KCNIP4: variants seen among roughly 807,000 people sequenced by gnomAD.
KCNIP4 encodes the protein potassium voltage-gated channel interacting protein 4.
A neutral mutation model predicts 34.0 loss-of-function variants in KCNIP4; 12 were observed. The ratio of observed to expected loss-of-function variants is 0.35; its 90% CI spans 0.23 to 0.57. The LOEUF (loss-of-function observed/expected upper bound fraction) is 0.57, where lower values mean the gene tolerates loss of function less well. Ranked by LOEUF, KCNIP4 falls within the 20% of genes least tolerant of loss-of-function variation. KCNIP4 has a pLI of 0.83. For synonymous variants in KCNIP4, 124 were observed against 102.2 expected (o/e 1.21, Z -1.29); for missense variants, 238 against 311.7 (o/e 0.76, Z 1.78).
intron 1 of KCNIP4, among the ~76,000 whole-genome samples, chr4:21,334,532 A>G (rs1426683258): frequency 6.6e-6 from 1 of 152,084 alleles, no homozygotes; most frequent in African/African-American, 2.4e-5. Flanking sequence ...CAATTTGCAC[A>G]TCATAAAATT....
rs115725784 is a variant in KCNIP4 at position 21,784,520 on chromosome 4, G to T, written c.61+164051C>A. ...AGTCTTTGAACTCATATTCTAATAT[G>T]TCAACCTGCCAAAGACAGAAACATT... On this transcript the variant is annotated intron_variant, in intron 1 of 8. Transcript: ENST00000382152. Among the ~76,000 whole-genome samples the T allele has an allele frequency of 5.9e-5, 9 of 152,060 alleles. No individual in the cohort carries two copies. The South Asian group carries it at 1.9e-3, about 32-fold the overall frequency.
intron 3 of KCNIP4, among the ~76,000 whole-genome samples, chr4:20,819,951 T>C (rs1716898920): frequency 6.6e-6 from 1 of 152,164 alleles, no homozygotes; most frequent in African/African-American, 2.4e-5. Context: ...AGTTACCTAG[T>C]CTCAGGCATT....
Position 21,840,273 on chromosome 4 carries a change from A to G in KCNIP4, c.61+108298T>C, listed in dbSNP as rs1723597688. 3.3e-5 allele frequency among the ~76,000 whole-genome samples: 5 copies of G among 151,830 alleles called. No homozygotes were observed. In the Admixed American group the frequency reaches 3.3e-4, roughly 10 times the overall value. On this transcript the variant is annotated intron_variant, in intron 1 of 8. Transcript: ENST00000382152. ...AATGTCATTCCGGTGATGGGTCTCC[A>G]TAGAACCTATACATTCTACCACACT... is the stretch of plus-strand genomic sequence containing the variant.
chr4:20,979,196 C>T (rs1735791696), intron 1 of KCNIP4, among the ~76,000 whole-genome samples: 1 of 151,882 alleles, frequency 6.6e-6, no homozygotes, highest in Non-Finnish European at 1.5e-5. Flanking sequence ...AACAAAGTTG[C>T]TCTGAAATAA....
intron 2 of KCNIP4, among the ~76,000 whole-genome samples, chr4:20,868,824 C>T (rs1460235209): frequency 2.0e-5 from 3 of 152,070 alleles, no homozygotes; most frequent in Admixed American, 1.3e-4. Context: ...GTAGACACTA[C>T]AGACTACTGG....
intron 3 of KCNIP4, among the ~76,000 whole-genome samples, chr4:20,761,421 C>G (rs1308755191): frequency 9.9e-5 from 15 of 152,166 alleles, no homozygotes; most frequent in Non-Finnish European, 1.5e-5. Flanking sequence ...TTTTGACTAT[C>G]TATCTAGCTG....
At chr4:21,639,163 T>C (rs1411283253) in intron 1 of KCNIP4, among the ~76,000 whole-genome samples, 1 of 152,214 alleles carries the variant, frequency 6.6e-6, no homozygotes, top group African/African-American at 2.4e-5. Context: ...CATGAAATGA[T>C]TGTTTGAATT....
chr4:21,770,005 C>A (rs1718671086), intron 1 of KCNIP4, among the ~76,000 whole-genome samples: 1 of 132,240 alleles, frequency 7.6e-6, no homozygotes, highest in African/African-American at 4.2e-5. Flanking sequence ...TTATTTATTT[C>A]TTCTAAAAAA....
At chr4:21,168,959 T>C (rs1027275339) in intron 1 of KCNIP4, among the ~76,000 whole-genome samples, 4 of 152,156 alleles carry the variant, frequency 2.6e-5, no homozygotes, top group Admixed American at 1.3e-4. Flanking sequence ...CTTTGATCTA[T>C]GACGGCTATC....
At position 20,821,951 on chromosome 4, in the gene KCNIP4, C is replaced by G. The variant is rs1717163648; in HGVS notation, c.288+28592G>C. Among the ~76,000 whole-genome samples, 3 of 152,130 alleles carry G rather than the reference C, an allele frequency of 2.0e-5. 1 individual carries two copies. The South Asian group carries it at 6.2e-4, about 32-fold the overall frequency. The stretch of plus-strand genomic sequence containing the variant: ...TTGATGGGCACTTACGGTTCCACAT[C>G]TTTGCAACTGCAAATTGTGCTGCTA... On this transcript the variant is annotated intron_variant, in intron 3 of 8. Transcript: ENST00000382152.
chr4:21,476,228 GTCTA>G (rs1019999345), intron 1 of KCNIP4, among the ~76,000 whole-genome samples: 2 of 152,148 alleles, frequency 1.3e-5, no homozygotes, highest in Admixed American at 6.5e-5. Flanking sequence ...ATACTTACCT[GTCTA>G]TCTATCTATC....
At chr4:20,913,174 T>A (rs978564239) in intron 1 of KCNIP4, among the ~76,000 whole-genome samples, 1 of 151,924 alleles carries the variant, frequency 6.6e-6, no homozygotes, top group African/African-American at 2.4e-5. Context: ...GTGGTTTTTT[T>A]CAGCCAAAAA....
intron 1 of KCNIP4, among the ~76,000 whole-genome samples, chr4:21,220,504 C>A (rs1757912617): frequency 6.6e-6 from 1 of 152,082 alleles, no homozygotes; most frequent in Non-Finnish European, 1.5e-5. Context: ...CACATGTATA[C>A]ATATGTAACA....
chr4:21,827,912 T>A (rs1166256083), intron 1 of KCNIP4, among the ~76,000 whole-genome samples: 2 of 151,448 alleles, frequency 1.3e-5, no homozygotes, highest in Non-Finnish European at 3.0e-5. Context: ...TGGAGTCAAA[T>A]GATTTCAACC....
chr4:21,914,665 C>T (rs1728529788), intron 1 of KCNIP4, among the ~76,000 whole-genome samples: 1 of 152,176 alleles, frequency 6.6e-6, no homozygotes, highest in Non-Finnish European at 1.5e-5. Context: ...ATCACCTGCT[C>T]CTCTCTTGCA....
chr4:20,806,780 T>G (rs1715149243), intron 3 of KCNIP4, among the ~76,000 whole-genome samples: 1 of 152,114 alleles, frequency 6.6e-6, no homozygotes, highest in African/African-American at 2.4e-5. Context: ...GATATCTGGT[T>G]TGGTGAGTTA....
chr4:21,392,424 G>T (rs890659309), intron 1 of KCNIP4, among the ~76,000 whole-genome samples: 5 of 152,090 alleles, frequency 3.3e-5, no homozygotes, highest in African/African-American at 1.2e-4. Flanking sequence ...GTTTTAAATT[G>T]CAATGAGTCA....
chr4:20,851,112 T>C (rs919048522), intron 2 of KCNIP4, among the ~76,000 whole-genome samples: 2 of 152,194 alleles, frequency 1.3e-5, no homozygotes, highest in Admixed American at 6.5e-5. Context: ...ACATGTGCCA[T>C]GGTGGTTTGC....
intron 2 of KCNIP4, among the ~76,000 whole-genome samples, chr4:20,859,443 C>T (rs185879460): frequency 6.6e-6 from 1 of 152,282 alleles, no homozygotes; most frequent in East Asian, 1.9e-4. Flanking sequence ...CATGTATCTT[C>T]TAACAAATTT....
Sources: gnomAD v4.1 joint callset for allele counts (sites outside exome capture counted in the v4.1 genomes callset) on GRCh38, gnomAD v4.1.1 for gene constraint, MANE v1.5 for transcripts, NCBI Gene and HGNC (gene_info 2026-07-23, HGNC 2026-07-21) for gene names.